ANK2: variants seen among roughly 807,000 people sequenced by gnomAD.
ANK2 encodes ankyrin-2.
A neutral mutation model predicts 360.5 loss-of-function variants in ANK2; 83 were observed. The ratio of observed to expected loss-of-function variants is 0.23; its 90% CI spans 0.19 to 0.28. The LOEUF (loss-of-function observed/expected upper bound fraction) is 0.28, where lower values mean the gene tolerates loss of function less well. ANK2 is among the 10% of genes least tolerant of loss of function. ANK2 has a pLI of 1.00. For missense variants in ANK2, 4,201 were observed against 4,795.7 expected, an observed-to-expected ratio of 0.88 and a Z score of 3.66; for synonymous variants, 1,740 against 1,759.5, an observed-to-expected ratio of 0.99 and a Z score of 0.28.
intron 45 of ANK2, among the ~76,000 whole-genome samples, chr4:113,378,954 C>G (rs1034728582): frequency 1.2e-4 from 19 of 152,070 alleles, no homozygotes; most frequent in Admixed American, 1.2e-3. Flanking sequence ...ATCCAAGTTA[C>G]AATTGTGCTT....
chr4:113,293,421 T>A lies in ANK2; in HGVS notation c.2377-19T>A. 1 of 1,605,236 alleles carries A rather than the reference T, an allele frequency of 6.2e-7. No homozygotes were observed. The highest frequency in any genetic ancestry group is 2.2e-5 in the East Asian group (1 of 44,792). On this transcript the variant is annotated intron_variant, in intron 21 of 45. Coordinates refer to ENST00000357077, the MANE Select transcript of ANK2 (RefSeq NM_001148.6). ...CCTCTCTCTTATTTCTCACTCTCTCTCTTTCACTCTCTCTTCAGAATGGCA... is the reference window on the plus strand; with the variant it reads ...CCTCTCTCTTATTTCTCACTCTCTCACTTTCACTCTCTCTTCAGAATGGCA...
At chr4:113,271,827 C>T (rs2058654152) in intron 14 of ANK2, among the ~76,000 whole-genome samples, 1 of 152,196 alleles carries the variant, frequency 6.6e-6, no homozygotes, top group South Asian at 2.1e-4. Flanking sequence ...AGCAGGGGAC[C>T]ACAGTGGCCT....
chr4:113,029,488 C>T (rs2059953187), intron 2 of ANK2, among the ~76,000 whole-genome samples: 1 of 152,086 alleles, frequency 6.6e-6, no homozygotes, highest in Non-Finnish European at 1.5e-5. Context: ...ACCTCACCCT[C>T]CCAAAGTGCT....
intron 4 of ANK2, among the ~76,000 whole-genome samples, chr4:113,223,986 C>T (rs2099184227): frequency 6.6e-6 from 1 of 152,118 alleles, no homozygotes; most frequent in Non-Finnish European, 1.5e-5. Flanking sequence ...GTTTCTTCCC[C>T]CTGTGAGTCC....
Position 113,282,685 on chromosome 4 carries a change from C to T in ANK2, c.1892C>T (p.Thr631Ile), listed in dbSNP as rs896518686. The T allele has an allele frequency of 3.1e-6, 5 of 1,612,184 alleles. No homozygotes were observed. The highest frequency in any genetic ancestry group is 4.2e-6 in the Non-Finnish European group (5 of 1,178,944). Residue 631 changes from threonine to isoleucine, a missense_variant, in exon 18 of 46, where the codon ACT (threonine) becomes ATT (isoleucine). By Grantham distance (89) the Thr-to-Ile change is moderately conservative. Coordinates refer to ENST00000357077, the MANE Select transcript of ANK2 (RefSeq NM_001148.6). ...SPHATAKNGYTPLHIAAKKNQ... is the reference protein window; with the variant it reads ...SPHATAKNGYIPLHIAAKKNQ... ...TTTTGTTCTTTTTAGAATGGCTATA[C>T]TCCGTTACATATTGCTGCCAAGAAG...
chr4:112,754,591 T>A, the ANK2 span, among the ~76,000 whole-genome samples: 1 of 151,918 alleles, frequency 6.6e-6, no homozygotes, highest in Non-Finnish European at 1.5e-5. Context: ...AAGTACAGAT[T>A]TTTAGCTTAT....
chr4:113,227,949 T>C (rs1443582598), intron 4 of ANK2, among the ~76,000 whole-genome samples: 1 of 152,218 alleles, frequency 6.6e-6, no homozygotes, highest in African/African-American at 2.4e-5. Flanking sequence ...TTTGAGGAGA[T>C]ACATTCAAAG....
upstream of ANK2, among the ~76,000 whole-genome samples, chr4:113,048,100 G>A (rs905048599): frequency 9.9e-5 from 15 of 150,938 alleles, no homozygotes; most frequent in East Asian, 3.9e-4. Context: ...ACACTATCTC[G>A]TTGGTTTAAT....
At chr4:112,930,075 G>A (rs1450601153) in intron 2 of ANK2, among the ~76,000 whole-genome samples, 1 of 152,020 alleles carries the variant, frequency 6.6e-6, no homozygotes, top group East Asian at 1.9e-4. Context: ...TGAAAGGGTA[G>A]AGGAATGGAA....
At chr4:112,993,663 C>T (rs111495472) in intron 2 of ANK2, among the ~76,000 whole-genome samples, 5,559 of 151,302 alleles carry the variant, frequency 0.037, 248 homozygotes, top group East Asian at 0.25. Flanking sequence ...TTAAAAGAAA[C>T]AAAAGGAAGG....
At chr4:112,985,334 C>T (rs2044479832) in intron 2 of ANK2, among the ~76,000 whole-genome samples, 1 of 152,164 alleles carries the variant, frequency 6.6e-6, no homozygotes, top group Non-Finnish European at 1.5e-5. Context: ...CCACCTACAC[C>T]AACACATTAC....
intron 2 of ANK2, among the ~76,000 whole-genome samples, chr4:112,949,139 A>G (rs1476423103): frequency 1.3e-5 from 2 of 152,156 alleles, no homozygotes; most frequent in African/African-American, 4.8e-5. Flanking sequence ...TGTCAAGTGA[A>G]GATGACATAA....
At chr4:113,274,789 T>C in intron 15 of ANK2, 140 bp downstream of exon 15, 1 of 865,086 alleles carries the variant, frequency 1.2e-6, no homozygotes, top group South Asian at 1.5e-5. Flanking sequence ...TAAGACTCAT[T>C]GTCTAAATGA....
the ANK2 span, among the ~76,000 whole-genome samples, chr4:112,748,043 C>G: frequency 1.3e-5 from 2 of 152,030 alleles, no homozygotes; most frequent in East Asian, 3.9e-4. Context: ...GTAGTAAAAG[C>G]TGTTTTCATA....
At chr4:112,723,570 G>C in the ANK2 span, among the ~76,000 whole-genome samples, 1 of 152,100 alleles carries the variant, frequency 6.6e-6, no homozygotes, top group African/African-American at 2.4e-5. Context: ...CACCATATTG[G>C]CCAGGCTGGT....
chr4:113,104,900 G>C (rs377035141), intron 1 of ANK2, among the ~76,000 whole-genome samples: 1 of 152,052 alleles, frequency 6.6e-6, no homozygotes, highest in East Asian at 1.9e-4. Flanking sequence ...AGTATCTTGG[G>C]AGCCCTCCTG....
chr4:113,342,206 C>T (rs2094375849), intron 33 of ANK2, among the ~76,000 whole-genome samples: 1 of 152,128 alleles, frequency 6.6e-6, no homozygotes, highest in African/African-American at 2.4e-5. Context: ...GACTGTAGTA[C>T]TTTAGATGTT....
chr4:112,881,882 C>A, intron 1 of ANK2: 1 of 731,172 alleles, frequency 1.4e-6, no homozygotes, highest in South Asian at 1.5e-5. Flanking sequence ...CTCTTGAGAC[C>A]GCTCTCTTTG....
At chr4:113,178,273 A>G (rs2098291326) in intron 2 of ANK2, among the ~76,000 whole-genome samples, 1 of 151,948 alleles carries the variant, frequency 6.6e-6, no homozygotes, top group Non-Finnish European at 1.5e-5. Context: ...TAAAAAAATA[A>G]ATAAATAAAA....
Sources: gnomAD v4.1 joint callset for allele counts (sites outside exome capture counted in the v4.1 genomes callset) on GRCh38, gnomAD v4.1.1 for gene constraint, MANE v1.5 for transcripts, NCBI Gene and HGNC (gene_info 2026-07-23, HGNC 2026-07-21) for gene names.